Variants in THSD7B observed in about 807,000 individuals in gnomAD.
THSD7B encodes thrombospondin type 1 domain containing 7B.
In THSD7B, 138 loss-of-function variants were observed where a neutral mutation model predicts 213.6. The observed-to-expected ratio is 0.65, with a 90% CI of 0.56 to 0.74. THSD7B has a LOEUF of 0.74. Ranked by LOEUF, THSD7B falls within the 30% of genes least tolerant of loss-of-function variation. The pLI is 0.00. For missense variants in THSD7B, 1,931 were observed against 1,991.5 expected (o/e 0.97, Z 0.58); for synonymous variants, 742 against 687.0 (o/e 1.08, Z -1.25).
intron 12 of THSD7B, among the ~76,000 whole-genome samples, chr2:137,342,879 A>G (rs1684792920): frequency 6.6e-6 from 1 of 151,700 alleles, no homozygotes; most frequent in African/African-American, 2.4e-5. Flanking sequence ...CCAGGGCTAA[A>G]TCCCAGGTAG....
At chr2:137,372,863 A>C (rs1685562108) in intron 12 of THSD7B, among the ~76,000 whole-genome samples, 4 of 97,394 alleles carry the variant, frequency 4.1e-5, no homozygotes, top group East Asian at 3.5e-4. Flanking sequence ...CCACCCCACA[A>C]CAGTCCCCAG....
intron 1 of THSD7B, among the ~76,000 whole-genome samples, chr2:136,811,566 A>G (rs958012397): frequency 9.2e-5 from 14 of 152,164 alleles, no homozygotes; most frequent in Non-Finnish European, 2.1e-4. Flanking sequence ...CCTTTGGCCC[A>G]GTAGCTTATC....
intron 10 of THSD7B, among the ~76,000 whole-genome samples, chr2:137,266,323 C>G (rs1682589067): frequency 6.6e-6 from 1 of 152,142 alleles, no homozygotes; most frequent in Non-Finnish European, 1.5e-5. Context: ...TAAAGTCTAA[C>G]AGGTGTTAGG....
intron 25 of THSD7B, among the ~76,000 whole-genome samples, chr2:137,660,270 T>G (rs1683317954): frequency 6.6e-6 from 1 of 152,154 alleles, no homozygotes; most frequent in Non-Finnish European, 1.5e-5. Context: ...CTCCTATAAC[T>G]CCCATCTACC....
At chr2:137,507,814 TTTTGA>T (rs1278634500) in intron 15 of THSD7B, among the ~76,000 whole-genome samples, 3 of 152,114 alleles carry the variant, frequency 2.0e-5, no homozygotes, top group African/African-American at 7.2e-5. Context: ...TCCTTTTCTG[TTTTGA>T]TTTATGTGTG....
At chr2:137,570,759 A>T (rs1197743394) in intron 16 of THSD7B, among the ~76,000 whole-genome samples, 1 of 152,136 alleles carries the variant, frequency 6.6e-6, no homozygotes, top group Admixed American at 6.5e-5. Context: ...TCACTAGAAC[A>T]AAATACTTAT....
chr2:136,875,795 G>A (rs1165185928), intron 1 of THSD7B, among the ~76,000 whole-genome samples: 2 of 152,144 alleles, frequency 1.3e-5, no homozygotes, highest in Admixed American at 1.3e-4. Context: ...AAGGCTTATA[G>A]CAAACTGTGC....
intron 15 of THSD7B, among the ~76,000 whole-genome samples, chr2:137,463,373 A>G (rs1028380435): frequency 4.6e-5 from 7 of 152,124 alleles, no homozygotes; most frequent in Non-Finnish European, 1.0e-4. Flanking sequence ...TTTTTATACC[A>G]TATTTTAAAA....
At chr2:137,378,916 C>T (rs925370823) in intron 12 of THSD7B, among the ~76,000 whole-genome samples, 5 of 152,122 alleles carry the variant, frequency 3.3e-5, no homozygotes, top group African/African-American at 1.2e-4. Context: ...ATTAGCTATT[C>T]TTTATATCTA....
chr2:137,241,841 G>A (rs1305970246), intron 9 of THSD7B, among the ~76,000 whole-genome samples: 1 of 151,792 alleles, frequency 6.6e-6, no homozygotes, highest in African/African-American at 2.4e-5. Context: ...CTTGGGAGGT[G>A]GAGGTTGCAG....
At chr2:137,275,027 G>T (rs939064465) in intron 11 of THSD7B, among the ~76,000 whole-genome samples, 1 of 152,000 alleles carries the variant, frequency 6.6e-6, no homozygotes, top group Non-Finnish European at 1.5e-5. Context: ...GGGTTAAAAT[G>T]TACTAAGTGA....
At chr2:136,888,174 G>A (rs1683751432) in intron 2 of THSD7B, among the ~76,000 whole-genome samples, 1 of 152,070 alleles carries the variant, frequency 6.6e-6, no homozygotes, top group Admixed American at 6.5e-5. Flanking sequence ...GCTTTTTTAG[G>A]TCTAAAACTT....
chr2:136,908,071 C>T (rs1157642676), intron 2 of THSD7B, among the ~76,000 whole-genome samples: 2 of 152,172 alleles, frequency 1.3e-5, no homozygotes, highest in South Asian at 4.2e-4. Context: ...ATTTGACAGC[C>T]TTGATTTAAA....
At chr2:137,405,459 C>A (rs185603462) in intron 12 of THSD7B, among the ~76,000 whole-genome samples, 154 bp from the exon 13 acceptor site, 32 of 152,112 alleles carry the variant, frequency 2.1e-4, no homozygotes, top group African/African-American at 7.2e-4. Context: ...ATTTAATTTC[C>A]AGAGAGAAAT....
chr2:137,233,767 T>C (rs777249766), intron 9 of THSD7B, among the ~76,000 whole-genome samples: 14 of 152,164 alleles, frequency 9.2e-5, no homozygotes, highest in Non-Finnish European at 1.8e-4. Flanking sequence ...ACTAAAGAAC[T>C]GGCTGTGGGA....
chr2:137,122,506 A>T (rs1688562979), intron 5 of THSD7B, among the ~76,000 whole-genome samples: 1 of 152,196 alleles, frequency 6.6e-6, no homozygotes, highest in Non-Finnish European at 1.5e-5. Context: ...GGCAGAGAAC[A>T]TATTTTCAGT....
intron 12 of THSD7B, among the ~76,000 whole-genome samples, chr2:137,375,122 A>G (rs1220895650): frequency 6.6e-6 from 1 of 152,206 alleles, no homozygotes; most frequent in African/African-American, 2.4e-5. Flanking sequence ...ACTACCTCAA[A>G]GTAGTCAAAT....
At chr2:137,507,129 A>G (rs1226809806) in intron 15 of THSD7B, among the ~76,000 whole-genome samples, 4 of 152,112 alleles carry the variant, frequency 2.6e-5, no homozygotes, top group African/African-American at 9.7e-5. Context: ...ATTCATACAA[A>G]ATCTGGCCTG....
At position 137,081,751 on chromosome 2, in the gene THSD7B, T is replaced by A. The variant is rs549543049; in HGVS notation, c.951-13122T>A. Among the ~76,000 whole-genome samples the A allele has an allele frequency of 5.3e-5, 8 of 152,272 alleles. No individual in the cohort carries two copies. In the South Asian group the frequency reaches 1.7e-3, roughly 32 times the overall value. On this transcript the variant is annotated intron_variant, in intron 3 of 27. Transcript: ENST00000409968. ...CATTTTCACATTTTCTGGCTTTTATTGCAGTTTTACCTGAAGGTAGTCTGT... is the reference window on the plus strand; with the variant it reads ...CATTTTCACATTTTCTGGCTTTTATAGCAGTTTTACCTGAAGGTAGTCTGT...
Sources: gnomAD v4.1 joint callset for allele counts (sites outside exome capture counted in the v4.1 genomes callset) on GRCh38, gnomAD v4.1.1 for gene constraint, MANE v1.5 for transcripts, NCBI Gene and HGNC (gene_info 2026-07-23, HGNC 2026-07-21) for gene names.